PCDH12: variants seen among roughly 807,000 people sequenced by gnomAD.
PCDH12 encodes the protein protocadherin 12, also known as protocadherin-12.
PCDH12 carries 45 observed loss-of-function variants against 70.9 expected under a neutral mutation model. The observed-to-expected ratio is 0.63, with a 90% confidence interval of 0.50 to 0.81. PCDH12 has a LOEUF of 0.81. Among genes scored for constraint, PCDH12 ranks in the 40% least tolerant of loss-of-function variants. The pLI is 0.00. For synonymous variants in PCDH12, 567 were observed against 626.0 expected (o/e 0.91, Z 1.41); for missense variants, 1,370 against 1,491.7 (o/e 0.92, Z 1.34).
Position 141,945,304 on chromosome 5 carries a change from C to G in PCDH12, c.*77G>C. 1.3e-6 allele frequency: 2 copies of G among 1,510,110 alleles called. No homozygotes were observed. The highest frequency in any genetic ancestry group is 1.8e-6 in the Non-Finnish European group (2 of 1,127,120). 93.5% of individuals were successfully genotyped at this position (1,510,110 alleles called of 1,614,324 possible). A position where few individuals can be genotyped will look rare whatever the true frequency, so the allele number is the denominator to read the frequency against. Reference sequence around the variant, plus strand: ...CAGGCCGCCGCTAGCTAGTGAGTTACAAGATTTTAGAAACCAGCTCTTGTC... The same window carrying G: ...CAGGCCGCCGCTAGCTAGTGAGTTAGAAGATTTTAGAAACCAGCTCTTGTC... On this transcript the variant is annotated 3_prime_UTR_variant, in exon 4 of 4. Coordinates refer to ENST00000231484, the MANE Select transcript of PCDH12 (RefSeq NM_016580.4).
At position 141,957,185 on chromosome 5, in the gene PCDH12, G is replaced by C; in HGVS notation, c.667C>G (p.Pro223Ala). 6.2e-7 allele frequency: 1 copy of C among 1,614,184 alleles called. No individual in the cohort carries two copies. ...TTGACCAAGCTGGTACCTGACTTGG[G>C]GGGGTTCCCATTGTCATAGGCAGTT... ...VLTAYDNGNP[P>A]KSGTSLVKVN... is the part of the protein sequence containing the mutation. Residue 223 changes from proline to alanine, a missense_variant, in exon 1 of 4, where the codon CCC (proline) becomes GCC (alanine). Transcript: ENST00000231484. The surrounding 1 kb of genome is among the most constrained non-coding windows in gnomAD (Gnocchi z 4.3).
chr5:141,955,804 G>A lies in PCDH12; in HGVS notation c.2048C>T (p.Pro683Leu). Residue 683 changes from proline to leucine, a missense_variant, in exon 1 of 4, where the codon CCC (proline) becomes CTC (leucine). Pro to Leu is a moderately conservative substitution (Grantham distance 98, BLOSUM62 -3). Transcript: ENST00000231484. The surrounding 1 kb of genome is among the most constrained non-coding windows in gnomAD (Gnocchi z 5.5). ...LEIVVEDQGS[P>L]PLQTRALLRV... ...CAACAGGGCTCGGGTCTGTAAGGGG[G>A]GGCTTCCCTGGTCCTCTACTACTAT... 1 of 1,613,808 alleles carries A rather than the reference G, an allele frequency of 6.2e-7. No individual in the cohort carries two copies. Among genetic ancestry groups the A allele is most frequent in the South Asian group, 1.1e-5 (1 of 91,016 alleles).
intron 1 of PCDH12, among the ~76,000 whole-genome samples, chr5:141,954,389 T>C (rs1025993816): frequency 6.6e-6 from 1 of 152,190 alleles, no homozygotes; most frequent in Admixed American, 6.5e-5. Context: ...GATGGAGAAG[T>C]GCTTTGAGGA....
rs1365573428 is a variant in PCDH12 at position 141,955,219 on chromosome 5, C to T, written c.2633G>A (p.Arg878Lys). ...GGGGCTGCCTGCAACCTTCAGAGGC[C>T]TGGAACGTGGCTGGCCTGTGGCAGG... ...PQPATGQPRS[R>K]PLKVAGSPTG... The change falls in exon 1 of 4, where the codon AGG (arginine) becomes AAG (lysine). Residue 878 changes from arginine (R) to lysine (K), a missense_variant. By Grantham distance (26) the Arg-to-Lys change is conservative. Coordinates refer to ENST00000231484, the MANE Select transcript of PCDH12 (RefSeq NM_016580.4). This position sits in a 1 kb window ranked among gnomAD's most constrained non-coding sequence, Gnocchi z 5.5. 2 of 1,614,230 alleles carry T rather than the reference C, an allele frequency of 1.2e-6. No individual in the cohort carries two copies. The highest frequency in any genetic ancestry group is 2.2e-5 in the East Asian group (1 of 44,888).
Position 141,944,300 on chromosome 5 carries a change from C to A in PCDH12, c.*1081G>T, listed in dbSNP as rs1295148238. ...GATGACATCCGCACTTGAAGAGCTA[C>A]TTGTTGGGAAAGAACGGGTCTGCAT... On this transcript the variant is annotated 3_prime_UTR_variant, in exon 4 of 4. Coordinates refer to ENST00000231484, the MANE Select transcript of PCDH12 (RefSeq NM_016580.4). 1 of 152,224 alleles carries A rather than the reference C, an allele frequency of 6.6e-6. No individual in the cohort carries two copies. The highest frequency in any genetic ancestry group is 2.4e-5 in the African/African-American group (1 of 41,438). The allele number at this position is 152,224 out of a possible 1,614,324, so 9.4% of individuals were successfully genotyped here.
chr5:141,951,762 G>A (rs1015431882), intron 1 of PCDH12, among the ~76,000 whole-genome samples, 172 bp from the exon 2 acceptor site: 32 of 152,138 alleles, frequency 2.1e-4, no homozygotes, highest in Admixed American at 1.6e-3. Context: ...GGACCTGGGC[G>A]GGCAGGTCCC....
chr5:141,953,563 G>T (rs1753124439), intron 1 of PCDH12, among the ~76,000 whole-genome samples: 3 of 152,190 alleles, frequency 2.0e-5, no homozygotes, highest in Non-Finnish European at 2.9e-5. Flanking sequence ...TGGGCAAGTT[G>T]CCTGTTACCC....
At position 141,956,888 on chromosome 5, in the gene PCDH12, C is replaced by T. The variant is rs1260044725; in HGVS notation, c.964G>A (p.Val322Ile). ...TTGGGACCCAGGTCCCTTGCCTGAA[C>T]ATCCACCTCGTAGGCAGGGTTCTTT... is the stretch of plus-strand genomic sequence containing the variant. ...YEKNPAYEVD[V>I]QARDLGPNPI... The change falls in exon 1 of 4, where the codon GTT (valine) becomes ATT (isoleucine). Residue 322 changes from valine to isoleucine, a missense_variant. Coordinates refer to ENST00000231484, the MANE Select transcript of PCDH12 (RefSeq NM_016580.4). 2 of 1,614,108 alleles carry T rather than the reference C, an allele frequency of 1.2e-6. No individual in the cohort carries two copies. Among genetic ancestry groups the T allele is most frequent in the African/African-American group, 2.7e-5 (2 of 74,940 alleles).
In PCDH12 at chr5:141,945,359, T is replaced by C. The variant is rs757755359; in HGVS notation, c.*22A>G. On this transcript the variant is annotated 3_prime_UTR_variant, in exon 4 of 4. Transcript: ENST00000231484. Reference sequence around the variant, plus strand: ...GATCCTCAGGCCCCTGGTTCTTGGATCCAGAGGCGTCTGAGGTATGTTCAC... The same window carrying C: ...GATCCTCAGGCCCCTGGTTCTTGGACCCAGAGGCGTCTGAGGTATGTTCAC... 1 of 1,584,554 alleles carries C rather than the reference T, an allele frequency of 6.3e-7. No individual in the cohort carries two copies. Among genetic ancestry groups the C allele is most frequent in the East Asian group, 2.2e-5 (1 of 44,632 alleles).
intron 3 of PCDH12, among the ~76,000 whole-genome samples, chr5:141,948,705 C>G (rs1433508394): frequency 1.3e-5 from 2 of 152,226 alleles, no homozygotes; most frequent in African/African-American, 4.8e-5. Flanking sequence ...TTTGGCTCCC[C>G]TTCAATCACT....
chr5:141,957,951 C>T lies in PCDH12; in HGVS notation c.-100G>A. The T allele has an allele frequency of 7.2e-7, 1 of 1,395,692 alleles. No individual in the cohort carries two copies. Among genetic ancestry groups the T allele is most frequent in the Non-Finnish European group, 9.7e-7 (1 of 1,036,238 alleles). 86.5% of individuals were successfully genotyped at this position (1,395,692 alleles called of 1,614,324 possible). On this transcript the variant is annotated 5_prime_UTR_variant, in exon 1 of 4. Coordinates refer to ENST00000231484, the MANE Select transcript of PCDH12 (RefSeq NM_016580.4). The surrounding 1 kb of genome is among the most constrained non-coding windows in gnomAD (Gnocchi z 4.3). The stretch of plus-strand genomic sequence containing the variant: ...TGGATGGCTTGATCAGCCCCGTGCT[C>T]CTTCCCCCAGAGCTGCCGGCACAAC...
At position 141,957,380 on chromosome 5, in the gene PCDH12, T is replaced by C; in HGVS notation, c.472A>G (p.Arg158Gly). ...ASLRTRIPLD[R>G]ALDPDTGPNT... is the part of the protein sequence containing the mutation. ...GGGCCTGTGTCTGGGTCAAGAGCTC[T>C]GTCCAGGGGGATCCGGGTTCGCAGA... is the stretch of plus-strand genomic sequence containing the variant. Residue 158 changes from arginine to glycine, a missense_variant, in exon 1 of 4, where the codon AGA becomes GGA. Coordinates refer to ENST00000231484, the MANE Select transcript of PCDH12 (RefSeq NM_016580.4). This position sits in a 1 kb window ranked among gnomAD's most constrained non-coding sequence, Gnocchi z 4.3. 1 of 1,613,812 alleles carries C rather than the reference T, an allele frequency of 6.2e-7. No homozygotes were observed. The highest frequency in any genetic ancestry group is 8.5e-7 in the Non-Finnish European group (1 of 1,179,840).
Position 141,956,175 on chromosome 5 carries a change from A to G in PCDH12, c.1677T>C (p.Asn559=). The part of the protein sequence containing the change: ...VSVWVSLLDA[N]DNAPEVVQPV... ...GCTGGACCACCTCTGGGGCATTATC[A>G]TTGGCATCCAAGAGGCTGACCCACA... The change falls in exon 1 of 4, where the codon AAT becomes AAC. Residue 559 remains asparagine (N), a synonymous_variant. Coordinates refer to ENST00000231484, the MANE Select transcript of PCDH12 (RefSeq NM_016580.4). 1 of 1,614,154 alleles carries G rather than the reference A, an allele frequency of 6.2e-7. No homozygotes were observed. Among genetic ancestry groups the G allele is most frequent in the South Asian group, 1.1e-5 (1 of 91,080 alleles).
In PCDH12 at chr5:141,949,541, TCCA is replaced by T. The variant is rs1353092133; in HGVS notation, c.3018_3020del (p.Gly1008del). On this transcript the variant is annotated inframe_deletion, in exon 3 of 4. Transcript: ENST00000231484. ...CCTCCTGTTCTGGGTCTGTCTGGCC[TCCA>T]GCCCTTGCACTTGGGCCATCTGTGT... 6.2e-7 allele frequency: 1 copy of T among 1,614,204 alleles called. No individual in the cohort carries two copies. The highest frequency in any genetic ancestry group is 8.5e-7 in the Non-Finnish European group (1 of 1,180,022).
At position 141,945,754 on chromosome 5, in the gene PCDH12, A is replaced by G; in HGVS notation, c.3182T>C (p.Leu1061Pro). 3.1e-6 allele frequency: 5 copies of G among 1,613,882 alleles called. No homozygotes were observed. Among genetic ancestry groups the G allele is most frequent in the Non-Finnish European group, 4.2e-6 (5 of 1,180,012 alleles). ...SAPDPAWMAR[L>P]SLPLTTNYRD... ...GTAGTTGGTGGTGAGGGGCAAAGAG[A>G]GTCTCGCCATCCAGGCCGGGTCAGG... The change falls in exon 4 of 4, where the codon CTC (leucine) becomes CCC (proline). Residue 1061 changes from leucine to proline, a missense_variant. By Grantham distance (98) the Leu-to-Pro change is moderately conservative. Coordinates refer to ENST00000231484, the MANE Select transcript of PCDH12 (RefSeq NM_016580.4).
At chr5:141,947,604 A>C (rs919044886) in intron 3 of PCDH12, among the ~76,000 whole-genome samples, 6 of 152,198 alleles carry the variant, frequency 3.9e-5, no homozygotes, top group African/African-American at 1.2e-4. Flanking sequence ...TAACCTCTCT[A>C]AGCTCCCGTT....
intron 2 of PCDH12, among the ~76,000 whole-genome samples, chr5:141,951,212 C>T (rs1753074045): frequency 6.6e-6 from 1 of 152,192 alleles, no homozygotes; most frequent in Non-Finnish European, 1.5e-5. Flanking sequence ...GGGACAAATA[C>T]AGTCTCAGGG....
At chr5:141,947,243 G>A (rs1269116229) in intron 3 of PCDH12, among the ~76,000 whole-genome samples, 1 of 152,250 alleles carries the variant, frequency 6.6e-6, no homozygotes. Context: ...TTAGCCCCAT[G>A]CCTGGGACTT....
chr5:141,955,351 G>T lies in PCDH12; in HGVS notation c.2501C>A (p.Ala834Glu). The change falls in exon 1 of 4, where the codon GCA becomes GAA. Residue 834 changes from alanine to glutamate, a missense_variant. Ala to Glu is a moderately radical substitution (Grantham distance 107). Coordinates refer to ENST00000231484, the MANE Select transcript of PCDH12 (RefSeq NM_016580.4). The surrounding 1 kb of genome is among the most constrained non-coding windows in gnomAD (Gnocchi z 5.5). ...RTLRNQGNQG[A>E]PAESREVLQD... ...CAGCACCTCTCGGCTCTCCGCCGGT[G>T]CTCCCTGGTTGCCTTGATTACGCAG... 1 of 1,614,148 alleles carries T rather than the reference G, an allele frequency of 6.2e-7. No individual in the cohort carries two copies. Among genetic ancestry groups the T allele is most frequent in the Middle Eastern group, 1.6e-4 (1 of 6,062 alleles).
Sources: allele counts gnomAD v4.1 joint callset (sites outside exome capture counted in the v4.1 genomes callset), GRCh38; gene constraint gnomAD v4.1.1; non-coding constraint Gnocchi (gnomAD v3.1); transcripts MANE v1.5; gene names NCBI Gene and HGNC (gene_info 2026-07-23, HGNC 2026-07-21).